Variants in PTPN13 observed in about 807,000 individuals in gnomAD.
PTPN13 encodes tyrosine-protein phosphatase non-receptor type 13.
A neutral mutation model predicts 284.0 loss-of-function variants in PTPN13; 191 were observed. The observed-to-expected ratio is 0.67, with a 90% CI of 0.60 to 0.76. The LOEUF is 0.76. Among genes scored for constraint, PTPN13 ranks in the 30% least tolerant of loss-of-function variants. The pLI is 0.00. For missense variants in PTPN13, 2,797 were observed against 2,939.9 expected (o/e 0.95, Z 1.12); for synonymous variants, 986 against 1,022.3 (o/e 0.96, Z 0.68).
intron 15 of PTPN13, 70 bp downstream of exon 15, chr4:86,735,816 C>T: frequency 7.1e-7 from 1 of 1,403,960 alleles, no homozygotes; most frequent in Non-Finnish European, 9.6e-7. Context: ...TTAGAGGACA[C>T]ATATCTAAGA....
Position 86,772,926 on chromosome 4 carries a change from G to C in PTPN13, c.5317G>C (p.Asp1773His). The change falls in exon 32 of 48, where the codon GAC becomes CAC. Residue 1773 changes from aspartate (D) to histidine (H), a missense_variant. Asp to His is a moderately conservative substitution (Grantham distance 81). Transcript: ENST00000411767. Reference protein sequence around the residue: ...RQENWTPLKNDLENHLEDFEL... With the variant: ...RQENWTPLKNHLENHLEDFEL... ...AGAAAACTGGACACCTTTGAAAAAT[G>C]ACTTGGAAAATCACCTTGAAGACTT... The C allele has an allele frequency of 6.2e-7, 1 of 1,605,292 alleles. No individual in the cohort carries two copies. The highest frequency in any genetic ancestry group is 1.7e-5 in the Admixed American group (1 of 58,822).
rs925434357 is a variant in PTPN13 at position 86,799,825 on chromosome 4, C to CTTT, written c.6505+647_6505+649dup. On this transcript the variant is annotated intron_variant, in intron 42 of 47. Transcript: ENST00000411767. Reference sequence around the variant, plus strand: ...TTCTGGAAGGAGAAGTCAAGGGGCACTTTTTTTTTTTTTTTTTTTTTTTTT... The same window carrying CTTT: ...TTCTGGAAGGAGAAGTCAAGGGGCACTTTTTTTTTTTTTTTTTTTTTTTTTTTT... Among the ~76,000 whole-genome samples, 48 of 83,228 alleles carry CTTT rather than the reference C, an allele frequency of 5.8e-4. 2 individuals are homozygous for CTTT. Among genetic ancestry groups the CTTT allele is most frequent in the Non-Finnish European group, 8.2e-4 (35 of 42,914 alleles). 54.6% of individuals were successfully genotyped at this position (83,228 alleles called of 152,430 possible). A position where few individuals can be genotyped will look rare whatever the true frequency, so the allele number is the denominator to read the frequency against.
chr4:86,709,777 T>C (rs1423008904), intron 7 of PTPN13, among the ~76,000 whole-genome samples: 2 of 152,202 alleles, frequency 1.3e-5, no homozygotes, highest in Non-Finnish European at 2.9e-5. Flanking sequence ...GCTATGTGGC[T>C]ACTATATCAC....
intron 10 of PTPN13, among the ~76,000 whole-genome samples, chr4:86,729,405 A>T (rs1734686477): frequency 6.7e-6 from 1 of 149,566 alleles, no homozygotes; most frequent in South Asian, 2.1e-4. Flanking sequence ...AGGTTGGAGA[A>T]GTTCTCCTGG....
chr4:86,773,832 A>G (rs1345847648), intron 32 of PTPN13, among the ~76,000 whole-genome samples: 1 of 151,824 alleles, frequency 6.6e-6, no homozygotes, highest in African/African-American at 2.4e-5. Context: ...CTTGTAAACA[A>G]CCTCCGTGTC....
intron 31 of PTPN13, among the ~76,000 whole-genome samples, chr4:86,772,283 A>G (rs1740083591): frequency 1.3e-5 from 2 of 152,106 alleles, no homozygotes; most frequent in South Asian, 4.1e-4. Flanking sequence ...GGCCGGCGCG[A>G]TGGCTCACGT....
At position 86,750,789 on chromosome 4, in the gene PTPN13, A is replaced by AC; in HGVS notation, c.2975dup (p.Pro993ThrfsTer19). 1 of 1,613,490 alleles carries AC rather than the reference A, an allele frequency of 6.2e-7. No homozygotes were observed. Among genetic ancestry groups the AC allele is most frequent in the Non-Finnish European group, 8.5e-7 (1 of 1,179,742 alleles). The stretch of plus-strand genomic sequence containing the variant: ...GGAAAAATGTCATTGTTAACATGGA[A>AC]CCCCCACCACAAACCGTTGCAGAGT... On this transcript the variant is annotated frameshift_variant, in exon 18 of 48. Transcript: ENST00000411767. LOFTEE classifies it high-confidence loss of function.
At chr4:86,764,383 C>A (rs921923807) in intron 24 of PTPN13, among the ~76,000 whole-genome samples, 1 of 152,092 alleles carries the variant, frequency 6.6e-6, no homozygotes, top group Non-Finnish European at 1.5e-5. Context: ...TCTCTTCCAA[C>A]CTTTATGTTC....
chr4:86,803,064 C>CTGTG (rs143647187), intron 42 of PTPN13, among the ~76,000 whole-genome samples: 10,445 of 135,994 alleles, frequency 0.077, 417 homozygotes, highest in Admixed American at 0.087. Context: ...CAGAATAAGA[C>CTGTG]TGTGTGTGTG....
chr4:86,784,482 A>G lies in PTPN13; in HGVS notation c.6042A>G (p.Ile2014Met), dbSNP rs1253944053. The G allele has an allele frequency of 4.4e-6, 7 of 1,604,562 alleles. No homozygotes were observed. The Admixed American group carries it at 1.2e-4, about 28-fold the overall frequency. ...DSFSTVAGEE[I>M]NEISYPKGKC... is the part of the protein sequence containing the mutation. ...TGCTTTAGGTTGCTGGGGAAGAAAT[A>G]AATGAAATATCGTACCCCAAAGGAA... is the stretch of plus-strand genomic sequence containing the variant. Residue 2014 changes from isoleucine (I) to methionine (M), a missense_variant, in exon 38 of 48, where the codon ATA becomes ATG. Transcript: ENST00000411767.
chr4:86,789,842 CTTTT>C (rs34944218), intron 40 of PTPN13, among the ~76,000 whole-genome samples: 2 of 135,972 alleles, frequency 1.5e-5, no homozygotes, highest in Admixed American at 7.5e-5. Flanking sequence ...ATCACTGTAG[CTTTT>C]TTTTTTTTTT....
At position 86,807,568 on chromosome 4, in the gene PTPN13, A is replaced by G; in HGVS notation, c.6754A>G (p.Thr2252Ala). 6.2e-7 allele frequency: 1 copy of G among 1,607,634 alleles called. No individual in the cohort carries two copies. The highest frequency in any genetic ancestry group is 8.5e-7 in the Non-Finnish European group (1 of 1,175,542). The stretch of plus-strand genomic sequence containing the variant: ...TGGTGGAAAATTCACAGATGATGCT[A>G]CAAGAGTGCCTCTTGGAGATGAAGG... The part of the protein sequence containing the change: ...RYKNILPYDA[T>A]RVPLGDEGGY... Residue 2252 changes from threonine (T) to alanine (A), a missense_variant, in exon 45 of 48, where the codon ACA (threonine) becomes GCA (alanine). Thr to Ala is a moderately conservative substitution (Grantham distance 58, BLOSUM62 0). Coordinates refer to ENST00000411767, the MANE Select transcript of PTPN13 (RefSeq NM_080683.3).
chr4:86,701,773 G>A lies in PTPN13; in HGVS notation c.1167G>A (p.Gln389=), dbSNP rs776195493. The A allele has an allele frequency of 6.8e-6, 11 of 1,612,288 alleles. No homozygotes were observed. In the East Asian group the frequency reaches 2.0e-4, roughly 29 times the overall value. ...TCCGAGAGAGACAAAAGAAACTTCAGGTTCTGAGGGAAGCCATGAATGTAG... is the reference window on the plus strand; with the variant it reads ...TCCGAGAGAGACAAAAGAAACTTCAAGTTCTGAGGGAAGCCATGAATGTAG... ...DRIRERQKKL[Q]VLREAMNVEE... The change falls in exon 7 of 48, where the codon CAG becomes CAA. Residue 389 remains glutamine, a synonymous_variant. Coordinates refer to ENST00000411767, the MANE Select transcript of PTPN13 (RefSeq NM_080683.3).
intron 9 of PTPN13, among the ~76,000 whole-genome samples, chr4:86,719,023 G>C (rs559323760): frequency 1.2e-4 from 18 of 151,982 alleles, no homozygotes; most frequent in African/African-American, 4.4e-4. Context: ...ACATGTGAAG[G>C]TTTGTTATAT....
At chr4:86,808,916 C>T (rs1484365906) in intron 45 of PTPN13, among the ~76,000 whole-genome samples, 1 of 151,970 alleles carries the variant, frequency 6.6e-6, no homozygotes, top group Admixed American at 6.6e-5. Context: ...AACAAGGAGT[C>T]AGGGAAGGTA....
At chr4:86,676,949 G>A (rs886358653) in intron 3 of PTPN13, among the ~76,000 whole-genome samples, 7 of 152,154 alleles carry the variant, frequency 4.6e-5, no homozygotes, top group Admixed American at 6.5e-5. Flanking sequence ...GCACAACAGT[G>A]TAAATATGCT....
At chr4:86,782,155 T>A in intron 36 of PTPN13, 46 bp from the exon 37 acceptor site, 1 of 1,341,876 alleles carries the variant, frequency 7.5e-7, no homozygotes. Context: ...GTCCCTCTTG[T>A]GGTTTGGATT....
intron 37 of PTPN13, 24 bp from the exon 38 acceptor site, chr4:86,784,441 A>G: frequency 6.6e-7 from 1 of 1,524,806 alleles, no homozygotes; most frequent in Non-Finnish European, 9.0e-7. Context: ...CTATCTGATG[A>G]TTTGCTTTGG....
At chr4:86,779,185 G>C (rs1271307292) in intron 35 of PTPN13, among the ~76,000 whole-genome samples, 1 of 151,960 alleles carries the variant, frequency 6.6e-6, no homozygotes, top group African/African-American at 2.4e-5. Flanking sequence ...ACTGGTTTAT[G>C]TGGACAAGCC....
Sources: allele counts gnomAD v4.1 joint callset (sites outside exome capture counted in the v4.1 genomes callset), GRCh38; gene constraint gnomAD v4.1.1; transcripts MANE v1.5; gene names NCBI Gene and HGNC (gene_info 2026-07-23, HGNC 2026-07-21).